Variants in RIMS2 observed in about 807,000 individuals in gnomAD.
The protein encoded by RIMS2 is regulating synaptic membrane exocytosis 2.
In RIMS2, 59 loss-of-function variants were observed where a neutral mutation model predicts 174.4. The ratio of observed to expected loss-of-function variants is 0.34; its 90% CI spans 0.27 to 0.42. RIMS2 has a LOEUF of 0.42. Ranked by LOEUF, RIMS2 falls within the 10% of genes least tolerant of loss-of-function variation. The pLI is 1.00. For missense variants in RIMS2, 1,620 were observed against 1,666.3 expected (o/e 0.97, Z 0.48); for synonymous variants, 606 against 572.5 (o/e 1.06, Z -0.84).
intron 19 of RIMS2, among the ~76,000 whole-genome samples, chr8:104,025,136 G>C (rs1565906416): frequency 2.6e-5 from 4 of 152,124 alleles, no homozygotes; most frequent in Non-Finnish European, 5.9e-5. Flanking sequence ...TTGCCGTGTA[G>C]ATATGCTATA....
chr8:103,563,253 CT>C (rs2091881551), intron 1 of RIMS2, among the ~76,000 whole-genome samples: 2 of 152,272 alleles, frequency 1.3e-5, no homozygotes, highest in South Asian at 4.1e-4. Flanking sequence ...ATTTTCCACA[CT>C]TTTATGCTGT....
At chr8:103,822,314 T>C (rs2098756981) in intron 3 of RIMS2, among the ~76,000 whole-genome samples, 1 of 151,710 alleles carries the variant, frequency 6.6e-6, no homozygotes, top group Non-Finnish European at 1.5e-5. Flanking sequence ...CTATGACATA[T>C]TAGCAATAAA....
chr8:103,633,201 T>TTTTTTTTGTA (rs2095986541), intron 1 of RIMS2, among the ~76,000 whole-genome samples: 1 of 151,066 alleles, frequency 6.6e-6, no homozygotes, highest in African/African-American at 2.4e-5. Context: ...TATTTTTTTT[T>TTTTTTTTGTA]TTTTTTTGTA....
chr8:103,747,356 A>C (rs1231960767), intron 2 of RIMS2, among the ~76,000 whole-genome samples: 1 of 150,728 alleles, frequency 6.6e-6, no homozygotes, highest in African/African-American at 2.4e-5. Flanking sequence ...GTGAGACTGT[A>C]AAGAACTTTT....
intron 1 of RIMS2, among the ~76,000 whole-genome samples, chr8:103,585,976 C>G (rs1563891594): frequency 6.9e-6 from 1 of 144,624 alleles, no homozygotes. Context: ...GATCTCAAGA[C>G]TAAAATGATA....
intron 3 of RIMS2, among the ~76,000 whole-genome samples, chr8:103,822,977 A>C (rs1205492501): frequency 1.3e-5 from 2 of 151,968 alleles, no homozygotes; most frequent in Non-Finnish European, 2.9e-5. Flanking sequence ...TGTTCACTGC[A>C]TTGAGTTATC....
intron 19 of RIMS2, among the ~76,000 whole-genome samples, chr8:104,184,506 A>G (rs2098958027): frequency 6.6e-6 from 1 of 151,584 alleles, no homozygotes; most frequent in South Asian, 2.1e-4. Context: ...GTTTTTATTG[A>G]AAAGCATAAG....
chr8:104,155,879 T>G (rs1334100785), intron 19 of RIMS2, among the ~76,000 whole-genome samples: 4 of 152,166 alleles, frequency 2.6e-5, no homozygotes, highest in African/African-American at 9.7e-5. Flanking sequence ...CTTTAAGATC[T>G]GACAAGAAGT....
In RIMS2 at chr8:104,212,620, G is replaced by A. The variant is rs114812298; in HGVS notation, c.3335-32296G>A. On this transcript the variant is annotated intron_variant, in intron 19 of 23. Transcript: ENST00000504942. Reference sequence around the variant, plus strand: ...TCCTGAGTCTCACACACACACACACGCATGTTCATTCTTAACTAAAACTAA... The same window carrying A: ...TCCTGAGTCTCACACACACACACACACATGTTCATTCTTAACTAAAACTAA... Among the ~76,000 whole-genome samples, 563 of 152,016 alleles carry A rather than the reference G, an allele frequency of 3.7e-3. 4 individuals carry two copies. Among genetic ancestry groups the A allele is most frequent in the African/African-American group, 0.013 (538 of 41,474 alleles).
At chr8:103,586,510 A>C (rs1737655331) in intron 1 of RIMS2, among the ~76,000 whole-genome samples, 1 of 152,184 alleles carries the variant, frequency 6.6e-6, no homozygotes, top group African/African-American at 2.4e-5. Context: ...TGAGTCAATG[A>C]AGAAATTAAG....
At chr8:103,919,963 A>G (rs906682730) in intron 9 of RIMS2, among the ~76,000 whole-genome samples, 13 of 152,098 alleles carry the variant, frequency 8.5e-5, no homozygotes, top group African/African-American at 3.1e-4. Flanking sequence ...TGTTGTACCT[A>G]TACCATCACA....
At chr8:103,712,308 G>A (rs2097316190) in intron 2 of RIMS2, among the ~76,000 whole-genome samples, 1 of 151,544 alleles carries the variant, frequency 6.6e-6, no homozygotes, top group Non-Finnish European at 1.5e-5. Context: ...CACCATGCCT[G>A]GCTTAAAACT....
chr8:103,756,446 T>TTG, intron 2 of RIMS2, among the ~76,000 whole-genome samples: 1 of 145,390 alleles, frequency 6.9e-6, no homozygotes, highest in Non-Finnish European at 1.5e-5. Context: ...CTTTTTTTTT[T>TTG]TCTTTCTTAA....
chr8:103,661,215 A>T (rs1173927761), intron 1 of RIMS2, among the ~76,000 whole-genome samples: 1 of 152,178 alleles, frequency 6.6e-6, no homozygotes, highest in Non-Finnish European at 1.5e-5. Flanking sequence ...TATTTCATTC[A>T]TTCTCAGTGC....
chr8:104,246,680 C>A (rs767715369), intron 20 of RIMS2, among the ~76,000 whole-genome samples: 2 of 151,976 alleles, frequency 1.3e-5, no homozygotes, highest in Non-Finnish European at 2.9e-5. Flanking sequence ...AGGAAATATT[C>A]GAGTGAAGAT....
chr8:103,769,688 T>C (rs2098227374), intron 3 of RIMS2, among the ~76,000 whole-genome samples: 1 of 152,220 alleles, frequency 6.6e-6, no homozygotes, highest in Non-Finnish European at 1.5e-5. Context: ...TATTCTTTAA[T>C]GCCTCTTTCA....
intron 19 of RIMS2, among the ~76,000 whole-genome samples, chr8:104,064,953 T>A (rs1312096747): frequency 1.3e-5 from 2 of 152,058 alleles, no homozygotes; most frequent in African/African-American, 4.8e-5. Context: ...CACTAAGAAG[T>A]CTTCTGAAAT....
chr8:103,817,795 TA>T (rs1366685171), intron 3 of RIMS2, among the ~76,000 whole-genome samples: 5 of 151,978 alleles, frequency 3.3e-5, no homozygotes, highest in African/African-American at 4.8e-5. Flanking sequence ...TTAATTAATT[TA>T]AAAATAAATA....
At chr8:103,648,854 C>T (rs1241668724) in intron 1 of RIMS2, among the ~76,000 whole-genome samples, 1 of 152,136 alleles carries the variant, frequency 6.6e-6, no homozygotes, top group African/African-American at 2.4e-5. Context: ...AGATGGGTCT[C>T]TTGAAGACAG....
Sources: gnomAD v4.1 joint callset for allele counts (sites outside exome capture counted in the v4.1 genomes callset) on GRCh38, gnomAD v4.1.1 for gene constraint, MANE v1.5 for transcripts, NCBI Gene and HGNC (gene_info 2026-07-23, HGNC 2026-07-21) for gene names.